The following ENPP7 variants were observed in gnomAD, a reference collection of about 807,000 sequenced individuals.
ENPP7 encodes ectonucleotide pyrophosphatase/phosphodiesterase family member 7.
A neutral mutation model predicts 33.6 loss-of-function variants in ENPP7; 39 were observed. That is an observed-to-expected ratio of 1.16 (90% CI 0.90 to 1.52). ENPP7 has a LOEUF of 1.52. Among genes scored for constraint, ENPP7 ranks in the 40% most tolerant of loss-of-function variants. ENPP7 has a pLI of 0.00. For missense variants in ENPP7, 594 were observed against 641.0 expected (o/e 0.93, Z 0.79); for synonymous variants, 244 against 274.3 (o/e 0.89, Z 1.09).
In ENPP7 at chr17:79,742,108, C is replaced by T. The variant is rs374383034; in HGVS notation, c.*331C>T. On this transcript the variant is annotated 3_prime_UTR_variant, in exon 6 of 6. Coordinates refer to ENST00000328313, the MANE Select transcript of ENPP7 (RefSeq NM_178543.5). ...GCTGCCGTCTGCAGCCACGCGGGGG[C>T]GCGCGGGAGCTCTGCGGGCGCTGGA... 2.8e-4 allele frequency: 69 copies of T among 249,390 alleles called. No individual in the cohort carries two copies. Among genetic ancestry groups the T allele is most frequent in the African/African-American group, 1.5e-3 (66 of 43,120 alleles). 15.4% of individuals were successfully genotyped at this position (249,390 alleles called of 1,614,324 possible). A position where few individuals can be genotyped will look rare whatever the true frequency, so the allele number is the denominator to read the frequency against.
At chr17:79,736,223 A>G (rs2094295494) in intron 3 of ENPP7, among the ~76,000 whole-genome samples, 1 of 151,562 alleles carries the variant, frequency 6.6e-6, no homozygotes, top group Non-Finnish European at 1.5e-5. Flanking sequence ...ATTTTTTTGT[A>G]GAGACAGGGT....
chr17:79,737,827 G>T lies in ENPP7; in HGVS notation c.1247-89G>T. The T allele has an allele frequency of 6.9e-7, 1 of 1,440,594 alleles. No homozygotes were observed. Among genetic ancestry groups the T allele is most frequent in the East Asian group, 2.3e-5 (1 of 43,782 alleles). 89.2% of individuals were successfully genotyped at this position (1,440,594 alleles called of 1,614,324 possible). A position where few individuals can be genotyped will look rare whatever the true frequency, so the allele number is the denominator to read the frequency against. On this transcript the variant is annotated intron_variant, in intron 4 of 5. Coordinates refer to ENST00000328313, the MANE Select transcript of ENPP7 (RefSeq NM_178543.5). The surrounding 1 kb of genome is among the most constrained non-coding windows in gnomAD (Gnocchi z 5.5). ...TGAAAGAGGAAGGAGGGGCTCGTGG[G>T]GACCAACAGAGGACCCCGAGTTTAC...
Position 79,731,194 on chromosome 17 carries a change from G to T in ENPP7, c.55G>T (p.Gly19Trp), listed in dbSNP as rs782721310. ...GGCTCTGGCCACGCTCCTGGCTCCC[G>T]GGGCCGGAGCACCGGTACAAAGTCA... ...TVALATLLAP[G>W]AGAPVQSQGS... Residue 19 changes from glycine (G) to tryptophan (W), a missense_variant, in exon 1 of 6, where the codon GGG becomes TGG. Coordinates refer to ENST00000328313, the MANE Select transcript of ENPP7 (RefSeq NM_178543.5). The T allele has an allele frequency of 6.2e-7, 1 of 1,611,606 alleles. No homozygotes were observed. The highest frequency in any genetic ancestry group is 8.5e-7 in the Non-Finnish European group (1 of 1,179,804).
rs782040215 is a variant in ENPP7, at chr17:79,731,257, G to T, written c.118G>T (p.Gly40Cys). 6.2e-7 allele frequency: 1 copy of T among 1,613,738 alleles called. No homozygotes were observed. Among genetic ancestry groups the T allele is most frequent in the South Asian group, 1.1e-5 (1 of 91,072 alleles). The change falls in exon 1 of 6, where the codon GGC becomes TGC. Residue 40 changes from glycine to cysteine, a missense_variant. Coordinates refer to ENST00000328313, the MANE Select transcript of ENPP7 (RefSeq NM_178543.5). Reference protein sequence around the residue: ...QNKLLLVSFDGFRWNYDQDVD... With the variant: ...QNKLLLVSFDCFRWNYDQDVD... The stretch of plus-strand genomic sequence containing the variant: ...CAAGCTGCTCCTGGTGTCCTTCGAC[G>T]GCTTCCGCTGGAACTACGACCAGGA...
intron 5 of ENPP7, among the ~76,000 whole-genome samples, chr17:79,741,452 G>C (rs1229058174): frequency 6.6e-6 from 1 of 152,180 alleles, no homozygotes; most frequent in South Asian, 2.1e-4. Context: ...TGCCTCCTGG[G>C]ATCCGCACAC....
intron 1 of ENPP7, among the ~76,000 whole-genome samples, chr17:79,731,655 G>A (rs1447827072): frequency 1.8e-4 from 28 of 152,292 alleles, no homozygotes; most frequent in Admixed American, 5.9e-4. Context: ...CGGGCTCCCC[G>A]CTGGCTCCCA....
In ENPP7 at chr17:79,731,138, G is replaced by A. The variant is rs782651974; in HGVS notation, c.-2G>A. The A allele has an allele frequency of 2.5e-6, 4 of 1,606,118 alleles. No homozygotes were observed. The Admixed American group carries it at 6.7e-5, about 27-fold the overall frequency. On this transcript the variant is annotated 5_prime_UTR_variant, in exon 1 of 6. Transcript: ENST00000328313. ...TGTGCCTGTCCATCTGGAAGGCCCA[G>A]CATGAGAGGCCCGGCCGTCCTCCTC...
chr17:79,736,430 C>T (rs2094295847), intron 3 of ENPP7, among the ~76,000 whole-genome samples: 1 of 152,158 alleles, frequency 6.6e-6, no homozygotes, highest in Admixed American at 6.6e-5. Context: ...CTTCACTATG[C>T]GGTAGGGTGT....
intron 2 of ENPP7, 48 bp from the exon 3 acceptor site, chr17:79,734,995 G>A (rs1568486288): frequency 1.9e-6 from 3 of 1,587,408 alleles, no homozygotes; most frequent in Admixed American, 1.7e-5. Flanking sequence ...ATGAGACAAG[G>A]GGCAGCCCAC....
chr17:79,738,233 G>A lies in ENPP7; in HGVS notation c.*16+171G>A, dbSNP rs557193551. 100 of 629,970 alleles carry A rather than the reference G, an allele frequency of 1.6e-4. No individual in the cohort carries two copies. Among genetic ancestry groups the A allele is most frequent in the African/African-American group, 1.3e-3 (72 of 54,496 alleles). 39.0% of individuals were successfully genotyped at this position (629,970 alleles called of 1,614,324 possible). A position where few individuals can be genotyped will look rare whatever the true frequency, so the allele number is the denominator to read the frequency against. ...GAGAGGCCATCACCCCTGAGATCCC[G>A]AGGCTGACCCTTCCAGCCTCTCTGC... On this transcript the variant is annotated intron_variant, in intron 5 of 5. Transcript: ENST00000328313. The surrounding 1 kb of genome is among the most constrained non-coding windows in gnomAD (Gnocchi z 6.2).
Position 79,742,048 on chromosome 17 carries a change from C to G in ENPP7, c.*271C>G, listed in dbSNP as rs1905569157. ...CCTGCTCCTGCTCCTCCCCTTCGGGCCCCCTCCTCCTGCAAAACCCGCTCC... is the reference window on the plus strand; with the variant it reads ...CCTGCTCCTGCTCCTCCCCTTCGGGGCCCCTCCTCCTGCAAAACCCGCTCC... On this transcript the variant is annotated 3_prime_UTR_variant, in exon 6 of 6. Coordinates refer to ENST00000328313, the MANE Select transcript of ENPP7 (RefSeq NM_178543.5). 1.7e-6 allele frequency: 1 copy of G among 599,620 alleles called. No individual in the cohort carries two copies. The highest frequency in any genetic ancestry group is 7.1e-5 in the South Asian group (1 of 14,062). The allele number at this position is 599,620 out of a possible 1,614,324, so 37.1% of individuals were successfully genotyped here. A position where few individuals can be genotyped will look rare whatever the true frequency, so the allele number is the denominator to read the frequency against.
In ENPP7 at chr17:79,737,596, T is replaced by C. The variant is rs1421492306; in HGVS notation, c.1247-320T>C. On this transcript the variant is annotated intron_variant, in intron 4 of 5. Coordinates refer to ENST00000328313, the MANE Select transcript of ENPP7 (RefSeq NM_178543.5). The surrounding 1 kb of genome is among the most constrained non-coding windows in gnomAD (Gnocchi z 5.5). ...CTCCCCACTCCCCACCACAGCAACC[T>C]GAGGGCCTCCTTTCTGGAATCTTCC... 6.6e-6 allele frequency among the ~76,000 whole-genome samples: 1 copy of C among 152,144 alleles called. No individual in the cohort carries two copies. Among genetic ancestry groups the C allele is most frequent in the East Asian group, 1.9e-4 (1 of 5,182 alleles).
intron 2 of ENPP7, among the ~76,000 whole-genome samples, chr17:79,733,993 C>T (rs1183050000): frequency 4.6e-5 from 7 of 152,264 alleles, no homozygotes; most frequent in Admixed American, 3.3e-4. Flanking sequence ...GGGTGAGGGT[C>T]GGACAGGGAA....
intron 1 of ENPP7, among the ~76,000 whole-genome samples, chr17:79,733,256 A>C (rs1346753843): frequency 6.6e-6 from 1 of 152,212 alleles, no homozygotes; most frequent in Non-Finnish European, 1.5e-5. Context: ...GGACAAACTG[A>C]AAGTGGAAGT....
In ENPP7 at chr17:79,742,033, C is replaced by A; in HGVS notation, c.*256C>A. On this transcript the variant is annotated 3_prime_UTR_variant, in exon 6 of 6. Transcript: ENST00000328313. ...CCCCCTGCCCCTGCCCCTGCTCCTG[C>A]TCCTCCCCTTCGGGCCCCCTCCTCC... 1 of 749,718 alleles carries A rather than the reference C, an allele frequency of 1.3e-6. No homozygotes were observed. The highest frequency in any genetic ancestry group is 1.6e-6 in the Non-Finnish European group (1 of 612,618). The allele number at this position is 749,718 out of a possible 1,614,324, so 46.4% of individuals were successfully genotyped here.
At position 79,730,944 on chromosome 17, in the gene ENPP7, C is replaced by T. The variant is rs1157601773; in HGVS notation, c.-196C>T. Reference sequence around the variant, plus strand: ...AGATGCTCAAGTTGATGCCACCCCACGCACGTGAGGCTGGGACCAGGGGTG... The same window carrying T: ...AGATGCTCAAGTTGATGCCACCCCATGCACGTGAGGCTGGGACCAGGGGTG... On this transcript the variant is annotated 5_prime_UTR_variant, in exon 1 of 6. In the 5' UTR this introduces an upstream ATG that the reference lacks. Coordinates refer to ENST00000328313, the MANE Select transcript of ENPP7 (RefSeq NM_178543.5). The T allele has an allele frequency of 1.2e-5, 7 of 603,272 alleles. No homozygotes were observed. The highest frequency in any genetic ancestry group is 5.7e-5 in the East Asian group (2 of 34,894). 37.4% of individuals were successfully genotyped at this position (603,272 alleles called of 1,614,324 possible). A position where few individuals can be genotyped will look rare whatever the true frequency, so the allele number is the denominator to read the frequency against.
rs1284611090 is a variant in ENPP7 at position 79,738,589 on chromosome 17, G to A, written c.*16+527G>A. 5 of 153,510 alleles carry A rather than the reference G, an allele frequency of 3.3e-5. No individual in the cohort carries two copies. Among genetic ancestry groups the A allele is most frequent in the Non-Finnish European group, 5.8e-5 (4 of 68,946 alleles). 9.5% of individuals were successfully genotyped at this position (153,510 alleles called of 1,614,324 possible). The stretch of plus-strand genomic sequence containing the variant: ...CACGCGTGGGGTGCATTTAGGAGGA[G>A]AGCTCTGGGGCTGCGTTCCTGGAAC... On this transcript the variant is annotated intron_variant, in intron 5 of 5. Coordinates refer to ENST00000328313, the MANE Select transcript of ENPP7 (RefSeq NM_178543.5). This position sits in a 1 kb window ranked among gnomAD's most constrained non-coding sequence, Gnocchi z 6.2.
Position 79,737,981 on chromosome 17 carries a change from A to G in ENPP7, c.1312A>G (p.Ser438Gly). Reference sequence around the variant, plus strand: ...CAAGGGAAGATCTGCTCTCCCGCCCAGCAGCAGGCCCCTCCTCGTGATGGG... The same window carrying G: ...CAAGGGAAGATCTGCTCTCCCGCCCGGCAGCAGGCCCCTCCTCGTGATGGG... ...LPKGRSALPP[S>G]SRPLLVMGLL... Residue 438 changes from serine (S) to glycine (G), a missense_variant, in exon 5 of 6, where the codon AGC becomes GGC. By Grantham distance (56) the Ser-to-Gly change is moderately conservative (BLOSUM62 0). Around this residue, in one of 3 missense-constraint regions of ENPP7, gnomAD observed 504 missense variants for 512.8 expected, o/e 0.98. Coordinates refer to ENST00000328313, the MANE Select transcript of ENPP7 (RefSeq NM_178543.5). The surrounding 1 kb of genome is among the most constrained non-coding windows in gnomAD (Gnocchi z 5.5). 6.2e-7 allele frequency: 1 copy of G among 1,613,754 alleles called. No homozygotes were observed. The highest frequency in any genetic ancestry group is 8.5e-7 in the Non-Finnish European group (1 of 1,179,994).
intron 3 of ENPP7, among the ~76,000 whole-genome samples, chr17:79,736,409 AGG>A (rs2094295826): frequency 6.6e-6 from 1 of 152,216 alleles, no homozygotes; most frequent in Admixed American, 6.5e-5. Flanking sequence ...TCAGCACCGA[AGG>A]GACACTTCCT....
Sources: gnomAD v4.1 joint callset for allele counts (sites outside exome capture counted in the v4.1 genomes callset) on GRCh38, gnomAD v4.1.1 for gene constraint, gnomAD v4.1.1 regional missense constraint, Gnocchi (gnomAD v3.1) non-coding constraint, MANE v1.5 for transcripts, NCBI Gene and HGNC (gene_info 2026-07-23, HGNC 2026-07-21) for gene names.